The following SLC10A7 variants were observed in gnomAD, a reference collection of about 807,000 sequenced individuals.
SLC10A7 encodes solute carrier family 10 member 7.
Under a neutral mutation model 43.2 loss-of-function variants are expected in SLC10A7, and 29 were observed. The ratio of observed to expected loss-of-function variants is 0.67; its 90% CI spans 0.50 to 0.92. SLC10A7 has a LOEUF of 0.92. Ranked by LOEUF, SLC10A7 falls within the 40% of genes least tolerant of loss-of-function variation. The pLI is 0.00. For missense variants in SLC10A7, 295 were observed against 403.2 expected (o/e 0.73, Z 2.30); for synonymous variants, 152 against 144.8 (o/e 1.05, Z -0.35).
intron 5 of SLC10A7, among the ~76,000 whole-genome samples, chr4:146,334,838 T>C (rs1167152045): frequency 6.6e-6 from 1 of 152,090 alleles, no homozygotes; most frequent in African/African-American, 2.4e-5. Flanking sequence ...CATGTAAGAC[T>C]TTCTCTTTTC....
intron 4 of SLC10A7, among the ~76,000 whole-genome samples, chr4:146,447,335 C>G (rs993441838): frequency 6.6e-6 from 1 of 152,084 alleles, no homozygotes; most frequent in Admixed American, 6.5e-5. Flanking sequence ...TCTTGAACTC[C>G]TGGACTCAAG....
At chr4:146,350,056 C>T (rs548284297) in intron 5 of SLC10A7, among the ~76,000 whole-genome samples, 13 of 152,120 alleles carry the variant, frequency 8.5e-5, no homozygotes, top group African/African-American at 1.4e-4. Context: ...GAACAGCTCC[C>T]GTCTACAGCT....
At chr4:146,416,955 T>C (rs2149840867) in intron 5 of SLC10A7, among the ~76,000 whole-genome samples, 1 of 152,296 alleles carries the variant, frequency 6.6e-6, no homozygotes, top group East Asian at 1.9e-4. Context: ...CTTTTATAAA[T>C]GAGACTGTCA....
chr4:146,349,367 G>A (rs939042291), intron 5 of SLC10A7, among the ~76,000 whole-genome samples: 5 of 152,156 alleles, frequency 3.3e-5, no homozygotes, highest in South Asian at 2.1e-4. Context: ...AACAGTTGAT[G>A]GTAAAGCTGC....
intron 4 of SLC10A7, among the ~76,000 whole-genome samples, chr4:146,448,542 T>G (rs1378787075): frequency 6.6e-6 from 1 of 152,174 alleles, no homozygotes; most frequent in Admixed American, 6.5e-5. Context: ...ACCCCTCTTT[T>G]TCCTTCCCTT....
chr4:146,407,701 C>T (rs1727831088), intron 5 of SLC10A7, among the ~76,000 whole-genome samples: 2 of 152,274 alleles, frequency 1.3e-5, no homozygotes, highest in Admixed American at 1.3e-4. Context: ...CCATTCCCAC[C>T]CTCTTATATG....
chr4:146,321,438 T>C (rs954393667), intron 6 of SLC10A7, among the ~76,000 whole-genome samples: 1 of 152,100 alleles, frequency 6.6e-6, no homozygotes, highest in Non-Finnish European at 1.5e-5. Flanking sequence ...TCTATTCCAG[T>C]ATGTCCTCAT....
intron 7 of SLC10A7, among the ~76,000 whole-genome samples, chr4:146,303,599 C>T (rs1028447192): frequency 1.6e-4 from 24 of 152,002 alleles, no homozygotes; most frequent in African/African-American, 3.9e-4. Flanking sequence ...AGGCTGGTCA[C>T]GAACTCCTGA....
At chr4:146,277,283 T>C (rs1399193010) in intron 10 of SLC10A7, among the ~76,000 whole-genome samples, 1 of 152,204 alleles carries the variant, frequency 6.6e-6, no homozygotes, top group African/African-American at 2.4e-5. Context: ...TTAATATCTT[T>C]AATTTCATAC....
chr4:146,329,179 G>T (rs1393539017), intron 5 of SLC10A7, among the ~76,000 whole-genome samples: 1 of 152,154 alleles, frequency 6.6e-6, no homozygotes. Context: ...GGAAGGATTT[G>T]CTAATTCTGG....
chr4:146,482,487 T>A (rs559270914), intron 4 of SLC10A7, among the ~76,000 whole-genome samples: 27 of 150,394 alleles, frequency 1.8e-4, no homozygotes, highest in African/African-American at 6.4e-4. Flanking sequence ...AAAAATGAAA[T>A]ATAGAGCCTC....
chr4:146,472,616 A>G (rs1733673684), intron 4 of SLC10A7, among the ~76,000 whole-genome samples: 1 of 152,130 alleles, frequency 6.6e-6, no homozygotes, highest in African/African-American at 2.4e-5. Flanking sequence ...CTTAGGGCAG[A>G]CAGCATATTA....
At chr4:146,350,147 G>A (rs1295958882) in intron 5 of SLC10A7, among the ~76,000 whole-genome samples, 1 of 148,466 alleles carries the variant, frequency 6.7e-6, no homozygotes, top group Non-Finnish European at 1.5e-5. Flanking sequence ...GGGAGTGCCA[G>A]ACAGTGGGCG....
At chr4:146,361,913 C>T (rs1736072490) in intron 5 of SLC10A7, among the ~76,000 whole-genome samples, 1 of 151,972 alleles carries the variant, frequency 6.6e-6, no homozygotes, top group African/African-American at 2.4e-5. Flanking sequence ...AAAAATCAAG[C>T]AAAAATTCTG....
chr4:146,369,920 A>C (rs1030962282), intron 5 of SLC10A7, among the ~76,000 whole-genome samples: 14 of 152,206 alleles, frequency 9.2e-5, no homozygotes, highest in African/African-American at 3.4e-4. Flanking sequence ...AAACCTTGGA[A>C]TTCTGCAGAA....
intron 6 of SLC10A7, among the ~76,000 whole-genome samples, chr4:146,312,924 C>T (rs1732076839): frequency 6.6e-6 from 1 of 152,088 alleles, no homozygotes; most frequent in Non-Finnish European, 1.5e-5. Flanking sequence ...AATTGAGCTT[C>T]CAGGCCATGA....
intron 4 of SLC10A7, among the ~76,000 whole-genome samples, chr4:146,458,214 A>G (rs1337902888): frequency 6.6e-6 from 1 of 151,806 alleles, no homozygotes. Flanking sequence ...CAATAGATGA[A>G]AAAAGAAAAA....
At chr4:146,308,359 C>T (rs1420386031) in intron 6 of SLC10A7, among the ~76,000 whole-genome samples, 2 of 152,058 alleles carry the variant, frequency 1.3e-5, no homozygotes, top group Non-Finnish European at 2.9e-5. Context: ...TATGAAGATG[C>T]AGAGGACCCC....
chr4:146,478,683 T>C (rs1734227535), intron 4 of SLC10A7, among the ~76,000 whole-genome samples: 1 of 152,198 alleles, frequency 6.6e-6, no homozygotes. Flanking sequence ...ATGCTTCCCA[T>C]TATGCCAAAT....
Sources: allele counts gnomAD v4.1 joint callset (sites outside exome capture counted in the v4.1 genomes callset), GRCh38; gene constraint gnomAD v4.1.1; transcripts MANE v1.5; gene names NCBI Gene and HGNC (gene_info 2026-07-23, HGNC 2026-07-21).